SEMA5A: variants seen among roughly 807,000 people sequenced by gnomAD.
SEMA5A encodes semaphorin-5A.
SEMA5A carries 55 observed loss-of-function variants against 135.5 expected under a neutral mutation model. The ratio of observed to expected loss-of-function variants is 0.41; its 90% CI spans 0.33 to 0.51. The LOEUF is 0.51. Ranked by LOEUF, SEMA5A falls within the 20% of genes least tolerant of loss-of-function variation. The probability of loss-of-function intolerance (pLI) is 0.37; values close to 1 mark genes in which losing one functional copy is unlikely to be tolerated. For synonymous variants in SEMA5A, 580 were observed against 546.5 expected (o/e 1.06, Z -0.85); for missense variants, 1,290 against 1,419.9 (o/e 0.91, Z 1.47).
chr5:9,119,677 T>A (rs750501532), intron 14 of SEMA5A, among the ~76,000 whole-genome samples: 3 of 152,188 alleles, frequency 2.0e-5, no homozygotes, highest in Non-Finnish European at 4.4e-5. Context: ...TGTTGTACTG[T>A]TAGAATAACT....
At chr5:9,069,672 G>A (rs564952437) in intron 16 of SEMA5A, among the ~76,000 whole-genome samples, 164 of 152,118 alleles carry the variant, frequency 1.1e-3, no homozygotes, top group African/African-American at 3.5e-3. Flanking sequence ...GGCGATCATC[G>A]CTGTTTCTTT....
intron 4 of SEMA5A, among the ~76,000 whole-genome samples, chr5:9,335,980 T>C (rs1753372049): frequency 6.6e-6 from 1 of 151,964 alleles, no homozygotes; most frequent in Non-Finnish European, 1.5e-5. Context: ...TGCAATATTG[T>C]ACATTAAGTG....
intron 2 of SEMA5A, among the ~76,000 whole-genome samples, chr5:9,386,621 A>T (rs751625957): frequency 6.6e-6 from 1 of 152,182 alleles, no homozygotes; most frequent in Non-Finnish European, 1.5e-5. Context: ...GGCTGACACC[A>T]GCCACAGCGG....
At position 9,278,158 on chromosome 5, in the gene SEMA5A, T is replaced by C. The variant is rs73048627; in HGVS notation, c.270+40214A>G. ...TCCCAGCTGATGAGGTCTCAGCTGG[T>C]AATGAGGAACATACTGGGAAGTGGA... On this transcript the variant is annotated intron_variant, in intron 5 of 22. Coordinates refer to ENST00000382496, the MANE Select transcript of SEMA5A (RefSeq NM_003966.3). 5.4e-3 allele frequency among the ~76,000 whole-genome samples: 808 copies of C among 150,468 alleles called. 10 individuals are homozygous for C. The highest frequency in any genetic ancestry group is 0.019 in the African/African-American group (770 of 41,020).
At chr5:9,284,757 G>T (rs1029515925) in intron 5 of SEMA5A, among the ~76,000 whole-genome samples, 1 of 152,098 alleles carries the variant, frequency 6.6e-6, no homozygotes, top group African/African-American at 2.4e-5. Context: ...ATTTCTTCTT[G>T]CAGTTTTTAG....
chr5:9,263,296 C>A (rs927187138), intron 5 of SEMA5A, among the ~76,000 whole-genome samples: 3 of 152,158 alleles, frequency 2.0e-5, no homozygotes, highest in African/African-American at 7.2e-5. Flanking sequence ...TGTTAGGAAC[C>A]AGGCCGCACA....
intron 3 of SEMA5A, among the ~76,000 whole-genome samples, chr5:9,346,923 T>C: frequency 6.6e-6 from 1 of 152,140 alleles, no homozygotes; most frequent in Admixed American, 6.5e-5. Flanking sequence ...TGTATATATA[T>C]ATATATGTAT....
intron 4 of SEMA5A, among the ~76,000 whole-genome samples, chr5:9,334,412 T>A (rs1336916306): frequency 6.6e-6 from 1 of 152,250 alleles, no homozygotes; most frequent in East Asian, 1.9e-4. Context: ...CCTAATCCCA[T>A]GAAATTTCCC....
chr5:9,194,783 A>G (rs1561007906), intron 10 of SEMA5A, among the ~76,000 whole-genome samples: 2 of 152,180 alleles, frequency 1.3e-5, no homozygotes, highest in African/African-American at 2.4e-5. Context: ...TTCATTCATT[A>G]TGCTACATGG....
rs529926919 is a variant in SEMA5A, at chr5:9,159,812, T to A, written c.1274-5117A>T. On this transcript the variant is annotated intron_variant, in intron 11 of 22. Transcript: ENST00000382496. Reference sequence around the variant, plus strand: ...GACATGGAACCAACCCAAATGCCCATTAATGATAGACTGGATAAAGAAAAT... The same window carrying A: ...GACATGGAACCAACCCAAATGCCCAATAATGATAGACTGGATAAAGAAAAT... Among the ~76,000 whole-genome samples, 17 of 152,302 alleles carry A rather than the reference T, an allele frequency of 1.1e-4. No homozygotes were observed. The East Asian group carries it at 3.1e-3, about 28-fold the overall frequency.
intron 2 of SEMA5A, among the ~76,000 whole-genome samples, chr5:9,389,718 G>T (rs1305791828): frequency 6.6e-6 from 1 of 152,002 alleles, no homozygotes; most frequent in Non-Finnish European, 1.5e-5. Flanking sequence ...AGCCATTTTT[G>T]TTGTTGTTGT....
intron 21 of SEMA5A, among the ~76,000 whole-genome samples, chr5:9,048,695 G>A (rs1736401896): frequency 6.6e-6 from 1 of 152,170 alleles, no homozygotes; most frequent in African/African-American, 2.4e-5. Flanking sequence ...ATGAAGAACT[G>A]TAGACCCTTG....
At chr5:9,430,363 C>T (rs1275999549) in intron 2 of SEMA5A, among the ~76,000 whole-genome samples, 1 of 152,066 alleles carries the variant, frequency 6.6e-6, no homozygotes, top group Non-Finnish European at 1.5e-5. Context: ...AATTCTGGAG[C>T]TTAGGGATAG....
At chr5:9,412,619 G>T in intron 2 of SEMA5A, among the ~76,000 whole-genome samples, 1 of 145,910 alleles carries the variant, frequency 6.9e-6, no homozygotes, top group African/African-American at 2.5e-5. Context: ...TGGATTTTGG[G>T]ATATTGGCAT....
At chr5:9,270,066 G>A (rs779591487) in intron 5 of SEMA5A, among the ~76,000 whole-genome samples, 1 of 152,086 alleles carries the variant, frequency 6.6e-6, no homozygotes, top group African/African-American at 2.4e-5. Flanking sequence ...GGTGGTTTAC[G>A]CAAGCATCTG....
intron 1 of SEMA5A, among the ~76,000 whole-genome samples, chr5:9,514,056 A>C (rs1465364179): frequency 2.6e-5 from 4 of 152,138 alleles, no homozygotes; most frequent in Non-Finnish European, 5.9e-5. Flanking sequence ...ATAGAGGAGA[A>C]TCTGTTTCCT....
chr5:9,237,702 T>C, intron 6 of SEMA5A, 126 bp downstream of exon 6: 1 of 733,734 alleles, frequency 1.4e-6, no homozygotes, highest in Admixed American at 2.7e-5. Context: ...TATACATATT[T>C]TGAATCTTGC....
At chr5:9,255,659 A>G (rs1423238450) in intron 5 of SEMA5A, among the ~76,000 whole-genome samples, 1 of 151,972 alleles carries the variant, frequency 6.6e-6, no homozygotes, top group Non-Finnish European at 1.5e-5. Context: ...GTTTCCTCCA[A>G]TGGTGGCATG....
At chr5:9,214,903 T>C (rs993496451) in intron 8 of SEMA5A, among the ~76,000 whole-genome samples, 3 of 152,332 alleles carry the variant, frequency 2.0e-5, no homozygotes, top group East Asian at 3.9e-4. Flanking sequence ...TTTAGCATTG[T>C]TCAACTCAAT....
Sources: gnomAD v4.1 joint callset for allele counts (sites outside exome capture counted in the v4.1 genomes callset) on GRCh38, gnomAD v4.1.1 for gene constraint, MANE v1.5 for transcripts, NCBI Gene and HGNC (gene_info 2026-07-23, HGNC 2026-07-21) for gene names.